The following RBP5 variants were observed in gnomAD, a reference collection of about 807,000 sequenced individuals.
RBP5 encodes the protein retinol binding protein 5.
RBP5 carries 12 observed loss-of-function variants against 17.8 expected under a neutral mutation model. The observed-to-expected ratio is 0.67, with a 90% confidence interval of 0.43 to 1.09. The LOEUF is 1.09. Among genes scored for constraint, RBP5 ranks in the 50% least tolerant of loss-of-function variants. RBP5 has a pLI of 0.00. For missense variants in RBP5, 172 were observed against 169.4 expected (o/e 1.02, Z -0.09); for synonymous variants, 64 against 68.1 (o/e 0.94, Z 0.30).
upstream of RBP5, chr12:7,129,646 G>A: frequency 1.0e-6 from 1 of 985,460 alleles, no homozygotes; most frequent in South Asian, 4.7e-5. This position sits in a 1 kb window ranked among gnomAD's most constrained non-coding sequence, Gnocchi z 5.5. Context: ...GTATTTCTGT[G>A]AAGGTGGGGT....
At chr12:7,127,416 C>A in intron 2 of RBP5, 1 of 420,202 alleles carries the variant, frequency 2.4e-6, no homozygotes, top group Non-Finnish European at 4.3e-6. Context: ...GGGTGTGAGC[C>A]ACCACGCCCA....
chr12:7,124,674 G>A lies in RBP5; in HGVS notation c.309C>T (p.Pro103=). The A allele has an allele frequency of 6.2e-7, 1 of 1,612,572 alleles. No homozygotes were observed. Among genetic ancestry groups the A allele is most frequent in the Non-Finnish European group, 8.5e-7 (1 of 1,178,794 alleles). The change falls in exon 3 of 4, where the codon CCC becomes CCT. Residue 103 remains proline (P), a synonymous_variant. Coordinates refer to ENST00000266560, the MANE Select transcript of RBP5 (RefSeq NM_031491.4). The surrounding 1 kb of genome is among the most constrained non-coding windows in gnomAD (Gnocchi z 5.3). ...HLVCVQKGEV[P]NRGWRHWLEG... is the part of the protein sequence containing the mutation. ...CCAGCCAGTGTCTCCAGCCCCGGTT[G>A]GGGACCTCCCCTTTCTGCACACACA...
downstream of RBP5, chr12:7,121,027 CAAAA>C (rs111568025): frequency 2.2e-5 from 2 of 92,002 alleles, no homozygotes; most frequent in Middle Eastern, 6.1e-3. Flanking sequence ...GATTCTGTCT[CAAAA>C]AAAAAAAAAA....
Position 7,128,409 on chromosome 12 carries a change from A to G in RBP5, c.83T>C (p.Leu28Ser). The change falls in exon 2 of 4, where the codon TTG becomes TCG. Residue 28 changes from leucine to serine, a missense_variant. Physicochemically the swap from Leu to Ser is moderately radical, Grantham distance 145. Transcript: ENST00000266560. The surrounding 1 kb of genome is among the most constrained non-coding windows in gnomAD (Gnocchi z 5.3). Reference sequence around the variant, plus strand: ...CAGCAGCGCGATCTTCCGCACAGCCAAGCTGATGTCTGTGGGGGCTGCCTG... The same window carrying G: ...CAGCAGCGCGATCTTCCGCACAGCCGAGCTGATGTCTGTGGGGGCTGCCTG... Reference protein sequence around the residue: ...EDYLQALNISLAVRKIALLLK... With the variant: ...EDYLQALNISSAVRKIALLLK... 1 of 1,614,122 alleles carries G rather than the reference A, an allele frequency of 6.2e-7. No individual in the cohort carries two copies. Among genetic ancestry groups the G allele is most frequent in the Non-Finnish European group, 8.5e-7 (1 of 1,179,986 alleles).
Position 7,124,795 on chromosome 12 carries a change from A to C in RBP5, c.253-65T>G. On this transcript the variant is annotated intron_variant, in intron 2 of 3. Transcript: ENST00000266560. The surrounding 1 kb of genome is among the most constrained non-coding windows in gnomAD (Gnocchi z 5.3). ...GGACACTCAAAATGCTTCCCATCTC[A>C]CTCTGAATGGGCTCCCCCTTTTACT... 53 of 914,092 alleles carry C rather than the reference A, an allele frequency of 5.8e-5. No individual in the cohort carries two copies. Among genetic ancestry groups the C allele is most frequent in the Non-Finnish European group, 8.2e-5 (45 of 550,440 alleles). 56.6% of individuals were successfully genotyped at this position (914,092 alleles called of 1,614,324 possible).
At chr12:7,126,485 T>A (rs1254277005) in intron 2 of RBP5, among the ~76,000 whole-genome samples, 1 of 80,858 alleles carries the variant, frequency 1.2e-5, no homozygotes, top group Non-Finnish European at 2.5e-5. Flanking sequence ...CTTGGCCGAT[T>A]AGATGTGGTG....
chr12:7,128,489 A>C lies in RBP5; in HGVS notation c.74-71T>G. The C allele has an allele frequency of 6.7e-7, 1 of 1,490,272 alleles. No individual in the cohort carries two copies. The highest frequency in any genetic ancestry group is 9.3e-7 in the Non-Finnish European group (1 of 1,076,876). 92.3% of individuals were successfully genotyped at this position (1,490,272 alleles called of 1,614,324 possible). Reference sequence around the variant, plus strand: ...GCTCCTCTGCCTGCAGCAGCCCCTCAGGGCTGTGAGTTTCCCTTCTTTGGG... The same window carrying C: ...GCTCCTCTGCCTGCAGCAGCCCCTCCGGGCTGTGAGTTTCCCTTCTTTGGG... On this transcript the variant is annotated intron_variant, in intron 1 of 3. Transcript: ENST00000266560. The surrounding 1 kb of genome is among the most constrained non-coding windows in gnomAD (Gnocchi z 5.3).
At chr12:7,125,751 C>A (rs760737654) in intron 2 of RBP5, among the ~76,000 whole-genome samples, 1 of 152,116 alleles carries the variant, frequency 6.6e-6, no homozygotes, top group African/African-American at 2.4e-5. Flanking sequence ...AGGGCTCTAA[C>A]CTAGAGTATA....
intron 2 of RBP5, among the ~76,000 whole-genome samples, chr12:7,126,335 G>A (rs764146042): frequency 3.9e-5 from 6 of 152,150 alleles, no homozygotes; most frequent in Admixed American, 2.6e-4. Flanking sequence ...AAACATTTCC[G>A]AAATGCTTCT....
downstream of RBP5, among the ~76,000 whole-genome samples, chr12:7,122,040 G>C (rs1386201724): frequency 6.6e-6 from 1 of 152,144 alleles, no homozygotes; most frequent in Non-Finnish European, 1.5e-5. Flanking sequence ...TTTGAATGAG[G>C]GGTAATGGTC....
At chr12:7,125,423 T>C (rs934672503) in intron 2 of RBP5, among the ~76,000 whole-genome samples, 2 of 152,198 alleles carry the variant, frequency 1.3e-5, no homozygotes, top group African/African-American at 4.8e-5. Context: ...TCATTTCTCC[T>C]CTTTCTCGGT....
intron 2 of RBP5, among the ~76,000 whole-genome samples, chr12:7,126,982 T>G (rs1939178372): frequency 7.2e-6 from 1 of 137,980 alleles, no homozygotes; most frequent in African/African-American, 2.9e-5. Context: ...ATTTTTGTAC[T>G]TTTGTATTTT....
chr12:7,127,932 T>C (rs996666689), intron 2 of RBP5, among the ~76,000 whole-genome samples: 21 of 152,252 alleles, frequency 1.4e-4, no homozygotes, highest in African/African-American at 4.6e-4. Flanking sequence ...TAAAAGGGAC[T>C]CTGGGTGACC....
rs1939135431 is a variant in RBP5, at chr12:7,124,881, C to G, written c.253-151G>C. The G allele has an allele frequency of 1.8e-6, 1 of 551,464 alleles. No homozygotes were observed. The highest frequency in any genetic ancestry group is 3.0e-5 in the East Asian group (1 of 33,476). 34.2% of individuals were successfully genotyped at this position (551,464 alleles called of 1,614,324 possible). On this transcript the variant is annotated intron_variant, in intron 2 of 3. Transcript: ENST00000266560. The surrounding 1 kb of genome is among the most constrained non-coding windows in gnomAD (Gnocchi z 5.3). The stretch of plus-strand genomic sequence containing the variant: ...GAGCGAGGGAGCTGCTCTGATTCAG[C>G]AGGACTCCCTTTCCACCCTACTCTT...
intron 2 of RBP5, among the ~76,000 whole-genome samples, chr12:7,126,417 C>T (rs1299549671): frequency 2.0e-5 from 3 of 151,886 alleles, no homozygotes; most frequent in East Asian, 1.9e-4. Context: ...AAGTATTCAA[C>T]GGCCATCTGA....
chr12:7,129,821 C>T, upstream of RBP5: 6 of 985,632 alleles, frequency 6.1e-6, no homozygotes, highest in Non-Finnish European at 7.2e-6. The surrounding 1 kb of genome is among the most constrained non-coding windows in gnomAD (Gnocchi z 5.5). Context: ...GCGGCCGGTC[C>T]CGACAGGTGC....
chr12:7,128,651 A>G lies in RBP5; in HGVS notation c.73+52T>C. The G allele has an allele frequency of 1.4e-6, 2 of 1,465,490 alleles. No individual in the cohort carries two copies. The highest frequency in any genetic ancestry group is 1.9e-6 in the Non-Finnish European group (2 of 1,065,446). The allele number at this position is 1,465,490 out of a possible 1,614,324, so 90.8% of individuals were successfully genotyped here. A position where few individuals can be genotyped will look rare whatever the true frequency, so the allele number is the denominator to read the frequency against. ...TTCTCCATGGGACCAAGAAGCAGGA[A>G]GGAAGAGGGGAGAAAGGGAGTGACA... On this transcript the variant is annotated intron_variant, in intron 1 of 3. Coordinates refer to ENST00000266560, the MANE Select transcript of RBP5 (RefSeq NM_031491.4). This position sits in a 1 kb window ranked among gnomAD's most constrained non-coding sequence, Gnocchi z 5.3.
At chr12:7,127,506 T>C in intron 2 of RBP5, 1 of 607,322 alleles carries the variant, frequency 1.6e-6, no homozygotes, top group East Asian at 2.7e-5. Flanking sequence ...AAATAGTTGC[T>C]ATACTGTATT....
chr12:7,118,269 G>T (rs915866738), intron 3 of RBP5: 2 of 152,134 alleles, frequency 1.3e-5, no homozygotes, highest in East Asian at 3.9e-4. Context: ...CCTTACAGCT[G>T]GGTCAAGGAT....
Sources: gnomAD v4.1 joint callset for allele counts (sites outside exome capture counted in the v4.1 genomes callset) on GRCh38, gnomAD v4.1.1 for gene constraint, Gnocchi (gnomAD v3.1) non-coding constraint, MANE v1.5 for transcripts, NCBI Gene and HGNC (gene_info 2026-07-23, HGNC 2026-07-21) for gene names.